The following BOC variants were observed in gnomAD, a reference collection of about 807,000 sequenced individuals.
BOC encodes the protein BOC cell adhesion associated, oncogene regulated, also known as brother of CDO.
BOC carries 76 observed loss-of-function variants against 112.0 expected under a neutral mutation model. The ratio of observed to expected loss-of-function variants is 0.68; its 90% CI spans 0.56 to 0.82. BOC has a LOEUF of 0.82. BOC is among the 40% of genes least tolerant of loss of function. BOC has a pLI of 0.00. For missense variants in BOC, 1,309 were observed against 1,511.7 expected, an observed-to-expected ratio of 0.87 and a Z score of 2.22; for synonymous variants, 580 against 599.8, an observed-to-expected ratio of 0.97 and a Z score of 0.48.
intron 1 of BOC, among the ~76,000 whole-genome samples, chr3:113,214,263 T>C (rs1447097533): frequency 6.6e-6 from 1 of 152,210 alleles, no homozygotes; most frequent in East Asian, 1.9e-4. Flanking sequence ...TTCCCTTTTT[T>C]TGAAGTGCTT....
chr3:113,263,914 C>T (rs552896684), intron 4 of BOC, among the ~76,000 whole-genome samples: 2 of 152,316 alleles, frequency 1.3e-5, no homozygotes, highest in South Asian at 4.1e-4. Flanking sequence ...AGGGTCTGTG[C>T]CTGATGTGCC....
chr3:113,279,918 C>A lies in BOC; in HGVS notation c.2118C>A (p.Ser706Arg). 1 of 1,613,990 alleles carries A rather than the reference C, an allele frequency of 6.2e-7. No individual in the cohort carries two copies. The highest frequency in any genetic ancestry group is 8.5e-7 in the Non-Finnish European group (1 of 1,179,970). The part of the protein sequence containing the change: ...PSRPYVVSGY[S>R]GRVYERPVAG... The stretch of plus-strand genomic sequence containing the variant: ...GGCCCTACGTGGTGTCGGGCTACAG[C>A]GGTCGCGTGTACGAGAGGCCCGTGG... The change falls in exon 13 of 20, where the codon AGC becomes AGA. Residue 706 changes from serine (S) to arginine (R), a missense_variant. By Grantham distance (110) the Ser-to-Arg change is moderately radical. Coordinates refer to ENST00000682979, the MANE Select transcript of BOC (RefSeq NM_001378074.1).
rs1291331357 is a variant in BOC at position 113,286,666 on chromosome 3, T to C, written c.3161-9T>C. On this transcript the variant is annotated splice_polypyrimidine_tract_variant and intron_variant, in intron 19 of 19. Transcript: ENST00000682979. ...GGATTTTAATGGTTCCTACTCTTTC[T>C]CCCCTCAGGGCCCCCATGCTGCTTG... is the stretch of plus-strand genomic sequence containing the variant. 1 of 1,556,966 alleles carries C rather than the reference T, an allele frequency of 6.4e-7. No homozygotes were observed. The highest frequency in any genetic ancestry group is 1.2e-5 in the South Asian group (1 of 83,020).
intron 2 of BOC, among the ~76,000 whole-genome samples, chr3:113,221,759 G>C (rs979682123): frequency 1.3e-5 from 2 of 152,200 alleles, no homozygotes; most frequent in African/African-American, 4.8e-5. Flanking sequence ...GCTAGAGAAG[G>C]TCACTTCTGT....
Position 113,286,687 on chromosome 3 carries a change from G to T in BOC, c.3173G>T (p.Cys1058Phe). The T allele has an allele frequency of 6.3e-7, 1 of 1,592,258 alleles. No individual in the cohort carries two copies. Among genetic ancestry groups the T allele is most frequent in the African/African-American group, 1.4e-5 (1 of 73,764 alleles). The change falls in exon 20 of 20, where the codon TGC (cysteine) becomes TTC (phenylalanine). Residue 1058 changes from cysteine (C) to phenylalanine (F), a missense_variant. Physicochemically the swap from Cys to Phe is radical, Grantham distance 205 (BLOSUM62 -2). Transcript: ENST00000682979. ...TTTCTCCCCTCAGGGCCCCCATGCT[G>T]CTTGGGCCTTGTGCCAGTTGAAGAG... Reference protein sequence around the residue: ...DPPFHSGPPCCLGLVPVEEVD... With the variant: ...DPPFHSGPPCFLGLVPVEEVD...
At chr3:113,225,279 A>T (rs1420101180) in intron 2 of BOC, among the ~76,000 whole-genome samples, 2 of 150,814 alleles carry the variant, frequency 1.3e-5, no homozygotes, top group South Asian at 4.2e-4. Context: ...GTCAAAAAAA[A>T]AAACAACAAA....
At chr3:113,230,712 A>G (rs1043998621) in intron 2 of BOC, among the ~76,000 whole-genome samples, 1 of 152,244 alleles carries the variant, frequency 6.6e-6, no homozygotes, top group Admixed American at 6.5e-5. Context: ...CCTCAATCCC[A>G]TGTTGCAACA....
At chr3:113,273,824 T>C (rs997592391) in intron 8 of BOC, among the ~76,000 whole-genome samples, 5 of 152,188 alleles carry the variant, frequency 3.3e-5, no homozygotes, top group African/African-American at 1.2e-4. Context: ...CGGGTGCCCA[T>C]GTCCTGTGGT....
intron 15 of BOC, among the ~76,000 whole-genome samples, chr3:113,282,695 C>T (rs561096837): frequency 1.3e-4 from 20 of 151,874 alleles, no homozygotes; most frequent in South Asian, 4.2e-4. Context: ...AGAGTACAGA[C>T]GGGAGGAACC....
rs1297969258 is a variant in BOC at position 113,279,388 on chromosome 3, C to G, written c.1956C>G (p.Asp652Glu). 6.2e-7 allele frequency: 1 copy of G among 1,614,242 alleles called. No individual in the cohort carries two copies. The highest frequency in any genetic ancestry group is 1.1e-5 in the South Asian group (1 of 91,092). The change falls in exon 12 of 20, where the codon GAC becomes GAG. Residue 652 changes from aspartate (D) to glutamate (E), a missense_variant. Coordinates refer to ENST00000682979, the MANE Select transcript of BOC (RefSeq NM_001378074.1). ...VEYKKLKKVG[D>E]WILATSAIPP... ...ACAAGAAGCTAAAGAAAGTGGGAGA[C>G]TGGATTCTGGCCACCAGCGCCATCC...
chr3:113,253,119 T>A (rs1000471760), intron 4 of BOC, among the ~76,000 whole-genome samples: 2 of 152,196 alleles, frequency 1.3e-5, no homozygotes, highest in African/African-American at 4.8e-5. Flanking sequence ...CCACCATCAT[T>A]TTGGAGTATA....
intron 2 of BOC, among the ~76,000 whole-genome samples, chr3:113,240,857 G>A (rs1257761230): frequency 6.6e-6 from 1 of 152,164 alleles, no homozygotes; most frequent in East Asian, 1.9e-4. Context: ...CCCCAAGCCT[G>A]ACTTCCAGCA....
At position 113,283,271 on chromosome 3, in the gene BOC, A is replaced by G. The variant is rs1949356936; in HGVS notation, c.2435-140A>G. 28 of 826,972 alleles carry G rather than the reference A, an allele frequency of 3.4e-5. No homozygotes were observed. In the East Asian group the frequency reaches 6.9e-4, roughly 20 times the overall value. The allele number at this position is 826,972 out of a possible 1,614,324, so 51.2% of individuals were successfully genotyped here. On this transcript the variant is annotated intron_variant, in intron 15 of 19. Transcript: ENST00000682979. ...TCATGCTGAGTGTGGACACCATTCA[A>G]ATAAGAGATTTTGAGGCCCAATCTA...
At chr3:113,265,215 TG>T (rs1413557976) in intron 4 of BOC, among the ~76,000 whole-genome samples, 1 of 152,232 alleles carries the variant, frequency 6.6e-6, no homozygotes, top group East Asian at 1.9e-4. Context: ...GGCAGGAGCC[TG>T]GGGCCATGAA....
At chr3:113,236,265 TGTATATATA>T (rs1176158735) in intron 2 of BOC, among the ~76,000 whole-genome samples, 2 of 98,068 alleles carry the variant, frequency 2.0e-5, no homozygotes, top group Non-Finnish European at 3.9e-5. Context: ...TGTGTGTGTG[TGTATATATA>T]CCCATGGGTA....
At chr3:113,248,421 G>A (rs1484607469) in intron 2 of BOC, among the ~76,000 whole-genome samples, 1 of 152,144 alleles carries the variant, frequency 6.6e-6, no homozygotes, top group Non-Finnish European at 1.5e-5. Flanking sequence ...GAGAGTCTCT[G>A]GTTAGGTAGA....
intron 2 of BOC, among the ~76,000 whole-genome samples, chr3:113,222,680 T>C (rs906403211): frequency 6.6e-6 from 1 of 151,898 alleles, no homozygotes; most frequent in African/African-American, 2.4e-5. Flanking sequence ...CACAGCACTG[T>C]GCTAGGCCTG....
At chr3:113,234,812 GT>G (rs1943200283) in intron 2 of BOC, among the ~76,000 whole-genome samples, 1 of 152,224 alleles carries the variant, frequency 6.6e-6, no homozygotes, top group Non-Finnish European at 1.5e-5. Context: ...GCCATATCCT[GT>G]TGCCTTTTTG....
intron 4 of BOC, among the ~76,000 whole-genome samples, chr3:113,257,247 A>T (rs1261880449): frequency 6.6e-6 from 1 of 152,206 alleles, no homozygotes; most frequent in Non-Finnish European, 1.5e-5. Context: ...CTTAACCTTT[A>T]TGGAGCCATG....
Sources: gnomAD v4.1 joint callset for allele counts (sites outside exome capture counted in the v4.1 genomes callset) on GRCh38, gnomAD v4.1.1 for gene constraint, MANE v1.5 for transcripts, NCBI Gene and HGNC (gene_info 2026-07-23, HGNC 2026-07-21) for gene names.